RTTN: variants seen among roughly 807,000 people sequenced by gnomAD.
The protein encoded by RTTN is rotatin.
In RTTN, 182 loss-of-function variants were observed where a neutral mutation model predicts 269.2. The observed-to-expected ratio is 0.68, with a 90% CI of 0.60 to 0.76. The LOEUF (loss-of-function observed/expected upper bound fraction) is 0.76. RTTN is among the 30% of genes least tolerant of loss of function. The pLI, the probability that RTTN is intolerant of heterozygous loss-of-function variation, is 0.00. For synonymous variants in RTTN, 1,006 were observed against 963.5 expected, an observed-to-expected ratio of 1.04 and a Z score of -0.82; for missense variants, 2,545 against 2,608.6, an observed-to-expected ratio of 0.98 and a Z score of 0.53.
intron 36 of RTTN, among the ~76,000 whole-genome samples, chr18:70,058,371 A>G (rs1168176851): frequency 1.3e-5 from 2 of 152,098 alleles, no homozygotes; most frequent in African/African-American, 4.8e-5. Context: ...ACCAAAAATT[A>G]GCTGGGTGTA....
intron 33 of RTTN, chr18:70,075,102 C>A: frequency 3.5e-6 from 1 of 285,174 alleles, no homozygotes; most frequent in Non-Finnish European, 6.4e-6. Context: ...AAAATGCTTG[C>A]AGAATATTTA....
intron 46 of RTTN, chr18:70,008,384 C>CA (rs1211596154): frequency 6.6e-6 from 1 of 151,990 alleles, no homozygotes; most frequent in African/African-American, 2.4e-5. Context: ...AGCAAGGGAA[C>CA]AAAATTGGAT....
chr18:70,012,228 A>G (rs534672052), intron 46 of RTTN, among the ~76,000 whole-genome samples: 14 of 144,660 alleles, frequency 9.7e-5, no homozygotes, highest in African/African-American at 3.6e-4. Context: ...GCTCACTGGT[A>G]TTAGTTACAG....
intron 30 of RTTN, among the ~76,000 whole-genome samples, chr18:70,090,341 C>A (rs1006184927): frequency 2.0e-5 from 3 of 152,104 alleles, no homozygotes; most frequent in Non-Finnish European, 2.9e-5. Flanking sequence ...ACAAATTAGG[C>A]ACAGTAAGAG....
chr18:70,114,587 G>A lies in RTTN; in HGVS notation c.3541C>T (p.Leu1181=). 1 of 1,612,718 alleles carries A rather than the reference G, an allele frequency of 6.2e-7. No homozygotes were observed. Among genetic ancestry groups the A allele is most frequent in the South Asian group, 1.1e-5 (1 of 90,800 alleles). ...ELLLRHSANP[L]LDLLVLTESQ... The stretch of plus-strand genomic sequence containing the variant: ...TCTGTCAGAACCAAGAGGTCTAACA[G>A]TGGGTTTGCACTCTAAAAAATGAAA... The change falls in exon 27 of 49, where the codon CTG becomes TTG. Residue 1181 remains leucine (L), a synonymous_variant. Transcript: ENST00000640769.
rs115686638 is a variant in RTTN at position 70,176,693 on chromosome 18, C to T, written c.1458G>A (p.Thr486=). The change falls in exon 11 of 49, where the codon ACG becomes ACA. Residue 486 remains threonine (T), a synonymous_variant. Coordinates refer to ENST00000640769, the MANE Select transcript of RTTN (RefSeq NM_173630.4). ...ISLFAVRLLQ[T]LLPVEKASEF... ...GCCTTACCTTTTCAACAGGGAGAAG[C>T]GTTTGTAGCAGTCGAACTGCAAACA... The T allele has an allele frequency of 5.9e-4, 949 of 1,613,134 alleles. 6 individuals carry two copies. The African/African-American group carries it at 0.011, about 18-fold the overall frequency.
At chr18:70,155,595 C>A (rs1443563467) in intron 14 of RTTN, among the ~76,000 whole-genome samples, 2 of 152,174 alleles carry the variant, frequency 1.3e-5, no homozygotes, top group Non-Finnish European at 2.9e-5. Context: ...ATGACCTGCA[C>A]AGACCTTTGA....
chr18:70,178,754 T>G (rs951633609), intron 10 of RTTN, among the ~76,000 whole-genome samples: 12 of 151,900 alleles, frequency 7.9e-5, no homozygotes, highest in Non-Finnish European at 1.3e-4. Flanking sequence ...GTTCAATGAG[T>G]AGTAGAATTA....
chr18:70,036,685 G>A (rs574390272), intron 40 of RTTN, among the ~76,000 whole-genome samples: 8 of 152,200 alleles, frequency 5.3e-5, no homozygotes, highest in African/African-American at 1.9e-4. Flanking sequence ...CATGTACCCC[G>A]AACCTAACAG....
In RTTN at chr18:70,204,130, T is replaced by C. The variant is rs759788393; in HGVS notation, c.353A>G (p.Glu118Gly). 7 of 1,614,024 alleles carry C rather than the reference T, an allele frequency of 4.3e-6. No homozygotes were observed. Among genetic ancestry groups the C allele is most frequent in the Non-Finnish European group, 5.9e-6 (7 of 1,179,942 alleles). The change falls in exon 3 of 49, where the codon GAA (glutamate) becomes GGA (glycine). Residue 118 changes from glutamate to glycine, a missense_variant. Transcript: ENST00000640769. ...TGAGGCAGAAGATAGTGCAGGAACT[T>C]CCGAAGGAAGAAGAAAAAGTCCATC... The part of the protein sequence containing the change: ...ILDGLFLLPS[E>G]VPALSSASYQ...
intron 34 of RTTN, among the ~76,000 whole-genome samples, chr18:70,071,515 A>C (rs981291819): frequency 2.6e-5 from 4 of 152,172 alleles, no homozygotes; most frequent in African/African-American, 9.6e-5. Context: ...CTTGGATATA[A>C]ACGTGATTTC....
rs766183356 is a variant in RTTN, at chr18:70,163,069, T to TTAAAAA, written c.1929+2992_1929+2993insTTTTTA. On this transcript the variant is annotated intron_variant, in intron 14 of 48. Coordinates refer to ENST00000640769, the MANE Select transcript of RTTN (RefSeq NM_173630.4). ...CACCCATTAGGATGGTTACTATTAT[T>TTAAAAA]AAAAAAAAAAAAAAAAAAAAAAAAA... is the stretch of plus-strand genomic sequence containing the variant. Among the ~76,000 whole-genome samples the TTAAAAA allele has an allele frequency of 4.7e-4, 27 of 56,984 alleles. No homozygotes were observed. The South Asian group carries it at 5.2e-3, about 11-fold the overall frequency. 37.4% of individuals were successfully genotyped at this position (56,984 alleles called of 152,430 possible).
At chr18:70,083,476 A>C (rs1041854934) in intron 32 of RTTN, among the ~76,000 whole-genome samples, 1 of 152,312 alleles carries the variant, frequency 6.6e-6, no homozygotes, top group South Asian at 2.1e-4. Context: ...AACATTCTAC[A>C]CAGGAAGATT....
At chr18:70,144,806 T>C (rs924102377) in intron 18 of RTTN, among the ~76,000 whole-genome samples, 2 of 152,318 alleles carry the variant, frequency 1.3e-5, no homozygotes, top group African/African-American at 4.8e-5. Flanking sequence ...AAACCGACTG[T>C]ATTACATGTG....
At chr18:70,024,131 C>T (rs115010762) in intron 44 of RTTN, among the ~76,000 whole-genome samples, 136 of 152,282 alleles carry the variant, frequency 8.9e-4, no homozygotes, top group African/African-American at 3.1e-3. Flanking sequence ...CAGCTTACAA[C>T]TGCCAATGTC....
chr18:70,156,082 C>G (rs563130443), intron 14 of RTTN, among the ~76,000 whole-genome samples: 64 of 152,250 alleles, frequency 4.2e-4, no homozygotes, highest in South Asian at 1.5e-3. Context: ...GAAAAAAGAA[C>G]AGAATAACAG....
chr18:70,021,961 G>A lies in RTTN; in HGVS notation c.5951-1144C>T, dbSNP rs149959403. ...GACCCCAGTTGCTGGGCTACTGAGT[G>A]TTGTTAGAAGAAAGTACAAAAACTT... is the stretch of plus-strand genomic sequence containing the variant. On this transcript the variant is annotated intron_variant, in intron 44 of 48. Coordinates refer to ENST00000640769, the MANE Select transcript of RTTN (RefSeq NM_173630.4). Among the ~76,000 whole-genome samples, 6 of 152,214 alleles carry A rather than the reference G, an allele frequency of 3.9e-5. No individual in the cohort carries two copies. In the East Asian group the frequency reaches 1.2e-3, roughly 29 times the overall value.
chr18:70,088,700 G>A (rs2058764945), intron 30 of RTTN, among the ~76,000 whole-genome samples: 1 of 151,992 alleles, frequency 6.6e-6, no homozygotes, highest in Non-Finnish European at 1.5e-5. Context: ...CACACGTTTT[G>A]GTAAATTTCT....
At chr18:70,171,373 A>G (rs2145941559) in intron 11 of RTTN, among the ~76,000 whole-genome samples, 1 of 152,332 alleles carries the variant, frequency 6.6e-6, no homozygotes, top group East Asian at 1.9e-4. Flanking sequence ...GAAAAATAAC[A>G]GCTGCTGTGA....
Sources: allele counts gnomAD v4.1 joint callset (sites outside exome capture counted in the v4.1 genomes callset), GRCh38; gene constraint gnomAD v4.1.1; transcripts MANE v1.5; gene names NCBI Gene and HGNC (gene_info 2026-07-23, HGNC 2026-07-21).